BRD9: variants seen among roughly 807,000 people sequenced by gnomAD.
The protein encoded by BRD9 is bromodomain containing 9.
In BRD9, 47 loss-of-function variants were observed where a neutral mutation model predicts 68.7. The ratio of observed to expected loss-of-function variants is 0.68; its 90% CI spans 0.54 to 0.87. BRD9 has a LOEUF of 0.87. BRD9 is among the 40% of genes least tolerant of loss of function. The pLI is 0.00. For synonymous variants in BRD9, 313 were observed against 293.9 expected (o/e 1.06, Z -0.67); for missense variants, 670 against 748.4 (o/e 0.90, Z 1.22).
Position 889,285 on chromosome 5 carries a change from C to T in BRD9, c.462-120G>A, listed in dbSNP as rs996550754. On this transcript the variant is annotated intron_variant, in intron 4 of 15. Transcript: ENST00000467963. ...TTGTTTCTTAAAAATAAAAAAGTTA[C>T]GAGCGTCTTTTAATTTATTGTGATA... The T allele has an allele frequency of 1.1e-5, 12 of 1,126,498 alleles. No individual in the cohort carries two copies. The Admixed American group carries it at 1.5e-4, about 14-fold the overall frequency. The allele number at this position is 1,126,498 out of a possible 1,614,324, so 69.8% of individuals were successfully genotyped here. A position where few individuals can be genotyped will look rare whatever the true frequency, so the allele number is the denominator to read the frequency against.
chr5:885,861 C>A (rs1752477355), intron 7 of BRD9, among the ~76,000 whole-genome samples: 1 of 152,226 alleles, frequency 6.6e-6, no homozygotes, highest in South Asian at 2.1e-4. Context: ...CAGGCAGCCA[C>A]CTCACATAGG....
At chr5:867,080 GC>G (rs1749481423) in intron 14 of BRD9, among the ~76,000 whole-genome samples, 1 of 152,204 alleles carries the variant, frequency 6.6e-6, no homozygotes, top group East Asian at 1.9e-4. Flanking sequence ...TGGGACATGT[GC>G]CATGGTGCTC....
intron 12 of BRD9, among the ~76,000 whole-genome samples, chr5:873,855 T>C (rs1309526233): frequency 6.6e-6 from 1 of 152,042 alleles, no homozygotes; most frequent in Non-Finnish European, 1.5e-5. Flanking sequence ...CAGAGACTCA[T>C]CCGAACTCCA....
intron 7 of BRD9, 22 bp from the exon 8 acceptor site, chr5:884,092 G>C (rs1211866779): frequency 6.2e-7 from 1 of 1,608,668 alleles, no homozygotes; most frequent in African/African-American, 1.3e-5. Context: ...GGACAACCAA[G>C]TCACCTGGAG....
intron 7 of BRD9, among the ~76,000 whole-genome samples, chr5:885,133 C>T (rs990182860): frequency 4.6e-5 from 7 of 152,232 alleles, no homozygotes; most frequent in Admixed American, 2.6e-4. Flanking sequence ...CATGAAACCC[C>T]GACCCCTGAA....
At chr5:867,361 C>A (rs931577955) in intron 14 of BRD9, among the ~76,000 whole-genome samples, 1 of 152,226 alleles carries the variant, frequency 6.6e-6, no homozygotes. Context: ...GAGGTTGGAG[C>A]CCTCACCCCA....
intron 9 of BRD9, among the ~76,000 whole-genome samples, chr5:880,377 C>T (rs1181549542): frequency 2.1e-5 from 3 of 144,908 alleles, no homozygotes; most frequent in Non-Finnish European, 4.5e-5. Context: ...TATGGATCAA[C>T]GGTCCATCCT....
chr5:888,806 C>T (rs975810960), intron 5 of BRD9, among the ~76,000 whole-genome samples: 3 of 152,232 alleles, frequency 2.0e-5, no homozygotes, highest in Non-Finnish European at 4.4e-5. Flanking sequence ...AGACTTCTAA[C>T]AGCGTGCAAC....
At position 885,460 on chromosome 5, in the gene BRD9, CAT is replaced by C. The variant is rs1272405685; in HGVS notation, c.833+1130_833+1131del. 5.3e-5 allele frequency among the ~76,000 whole-genome samples: 8 copies of C among 152,232 alleles called. 1 individual carries two copies. Among genetic ancestry groups the C allele is most frequent in the East Asian group, 1.9e-4 (1 of 5,200 alleles). ...GTTAAATCCACGTGAGTCCCATACA[CAT>C]GTGAGAAGGAAACAAACAATGGAGG... On this transcript the variant is annotated intron_variant, in intron 7 of 15. Coordinates refer to ENST00000467963, the MANE Select transcript of BRD9 (RefSeq NM_023924.5).
chr5:867,886 T>C (rs1749585214), intron 14 of BRD9, among the ~76,000 whole-genome samples: 1 of 152,244 alleles, frequency 6.6e-6, no homozygotes. Context: ...TAGGGGACTG[T>C]TAGGAAGGCA....
At chr5:886,328 G>A (rs1752559918) in intron 7 of BRD9, among the ~76,000 whole-genome samples, 1 of 152,236 alleles carries the variant, frequency 6.6e-6, no homozygotes, top group Non-Finnish European at 1.5e-5. Flanking sequence ...GGCGTGTAGA[G>A]ACAGAGACCA....
At chr5:874,385 T>C (rs760678577) in intron 12 of BRD9, among the ~76,000 whole-genome samples, 3 of 152,256 alleles carry the variant, frequency 2.0e-5, no homozygotes, top group African/African-American at 7.2e-5. Context: ...TCGTTACTCA[T>C]ATTTTTACGT....
intron 2 of BRD9, 47 bp from the exon 3 acceptor site, chr5:891,334 T>A (rs759782923): frequency 5.2e-6 from 8 of 1,538,998 alleles, no homozygotes; most frequent in Non-Finnish European, 6.1e-6. Context: ...GTAGGCGGGA[T>A]CCGGACAGGT....
At chr5:886,145 A>C (rs1202135143) in intron 7 of BRD9, among the ~76,000 whole-genome samples, 1 of 152,222 alleles carries the variant, frequency 6.6e-6, no homozygotes, top group Admixed American at 6.5e-5. Context: ...GTCTACACAG[A>C]CACAGAAGCG....
rs540370412 is a variant in BRD9 at position 864,522 on chromosome 5, G to A, written c.1740C>T (p.His580=). ...LSVGEQPDVT[H]DPYEFLQSPE... Reference sequence around the variant, plus strand: ...GAGACTGAAGAAACTCATAGGGGTCGTGGGTGACGTCTGGCTGCTCCCCGA... The same window carrying A: ...GAGACTGAAGAAACTCATAGGGGTCATGGGTGACGTCTGGCTGCTCCCCGA... The change falls in exon 16 of 16, where the codon CAC becomes CAT. Residue 580 remains histidine, a synonymous_variant. Transcript: ENST00000467963. 1.2e-5 allele frequency: 19 copies of A among 1,614,026 alleles called. No individual in the cohort carries two copies. Among genetic ancestry groups the A allele is most frequent in the African/African-American group, 8.0e-5 (6 of 75,054 alleles).
intron 12 of BRD9, among the ~76,000 whole-genome samples, chr5:872,361 C>A (rs933771921): frequency 3.3e-5 from 5 of 152,204 alleles, no homozygotes; most frequent in African/African-American, 1.2e-4. Context: ...TGCGGGGGTG[C>A]ACTCGGGGTC....
At position 876,157 on chromosome 5, in the gene BRD9, G is replaced by C. The variant is rs772994298; in HGVS notation, c.1327C>G (p.Leu443Val). 96 of 1,613,570 alleles carry C rather than the reference G, an allele frequency of 5.9e-5. 1 individual carries two copies. Among genetic ancestry groups the C allele is most frequent in the Middle Eastern group, 3.3e-4 (2 of 6,084 alleles). ...TCTCCGCCTGTGATCTGGTCCAGGA[G>C]GTCGTCCACCACTTTCTTGCTGTAG... ...GSYSKKVVDD[L>V]LDQITGGDHS... The change falls in exon 12 of 16, where the codon CTC (leucine) becomes GTC (valine). Residue 443 changes from leucine to valine, a missense_variant. This residue lies in a region of BRD9 where 280 missense variants were observed against 281.5 expected (regional missense o/e 0.99). Coordinates refer to ENST00000467963, the MANE Select transcript of BRD9 (RefSeq NM_023924.5).
chr5:889,884 C>A (rs978117108), intron 3 of BRD9: 1 of 687,822 alleles, frequency 1.5e-6, no homozygotes, highest in South Asian at 1.5e-5. Flanking sequence ...GTAGCCCTTA[C>A]ATCAACAATA....
At chr5:881,379 A>C in intron 8 of BRD9, 197 bp from the exon 9 acceptor site, 1 of 609,760 alleles carries the variant, frequency 1.6e-6, no homozygotes, top group Non-Finnish European at 2.9e-6. Flanking sequence ...GCCAAGGAGA[A>C]CCTCTTAGGC....
Sources: allele counts gnomAD v4.1 joint callset (sites outside exome capture counted in the v4.1 genomes callset), GRCh38; gene constraint gnomAD v4.1.1; regional missense constraint gnomAD v4.1.1; transcripts MANE v1.5; gene names NCBI Gene and HGNC (gene_info 2026-07-23, HGNC 2026-07-21).